FNDC3A: variants seen among roughly 807,000 people sequenced by gnomAD.
FNDC3A encodes the protein fibronectin type-III domain-containing protein 3A.
FNDC3A carries 32 observed loss-of-function variants against 148.9 expected under a neutral mutation model. The observed-to-expected ratio is 0.21, with a 90% CI of 0.16 to 0.29. The LOEUF is 0.29. Among genes scored for constraint, FNDC3A ranks in the 10% least tolerant of loss-of-function variants. FNDC3A has a pLI of 1.00. For missense variants in FNDC3A, 1,191 were observed against 1,452.8 expected, an observed-to-expected ratio of 0.82 and a Z score of 2.93; for synonymous variants, 472 against 473.6, an observed-to-expected ratio of 1.00 and a Z score of 0.04.
In FNDC3A at chr13:49,184,570, G is replaced by A. The variant is rs543963393; in HGVS notation, c.1618-1394G>A. Among the ~76,000 whole-genome samples, 91 of 152,258 alleles carry A rather than the reference G, an allele frequency of 6.0e-4. 1 individual carries two copies. In the South Asian group the frequency reaches 8.5e-3, roughly 14 times the overall value. ...AGGAAGAATAGACCCAAAGTCAGCC[G>A]AGTAAGTTTATTGAACCTGCCGGCT... On this transcript the variant is annotated intron_variant, in intron 14 of 25. Coordinates refer to ENST00000492622, the MANE Select transcript of FNDC3A (RefSeq NM_001079673.2).
At chr13:49,072,925 T>A (rs1877799655) in intron 2 of FNDC3A, among the ~76,000 whole-genome samples, 1 of 152,256 alleles carries the variant, frequency 6.6e-6, no homozygotes, top group Admixed American at 6.5e-5. Flanking sequence ...TAATTTGACT[T>A]CTTCTTTTCT....
At chr13:49,159,236 T>G (rs1168586668) in intron 8 of FNDC3A, among the ~76,000 whole-genome samples, 1 of 152,244 alleles carries the variant, frequency 6.6e-6, no homozygotes, top group Non-Finnish European at 1.5e-5. Context: ...ACGATATTGA[T>G]TCTTCCTATC....
intron 4 of FNDC3A, among the ~76,000 whole-genome samples, chr13:49,127,350 G>A (rs1442892232): frequency 6.6e-6 from 1 of 152,126 alleles, no homozygotes; most frequent in Non-Finnish European, 1.5e-5. Context: ...ATTCCCCTTT[G>A]CAGCAGAACA....
intron 17 of FNDC3A, among the ~76,000 whole-genome samples, chr13:49,190,547 G>C (rs1236761979): frequency 6.6e-6 from 1 of 152,098 alleles, no homozygotes; most frequent in Non-Finnish European, 1.5e-5. Flanking sequence ...CAGTGTTTAG[G>C]TTAAAAATAC....
chr13:49,115,198 T>TAAAAAAAAA (rs11450075), intron 4 of FNDC3A, among the ~76,000 whole-genome samples: 5 of 140,342 alleles, frequency 3.6e-5, no homozygotes, highest in Admixed American at 1.4e-4. Context: ...GGGGGGGAAA[T>TAAAAAAAAA]AAAAAAAAAA....
intron 6 of FNDC3A, 97 bp from the exon 7 acceptor site, chr13:49,138,650 C>T (rs1882516291): frequency 1.7e-6 from 1 of 595,480 alleles, no homozygotes. Flanking sequence ...ATAAAAGTCT[C>T]AAATACCAAC....
At chr13:49,097,762 A>C (rs947979102) in intron 3 of FNDC3A, among the ~76,000 whole-genome samples, 1 of 152,054 alleles carries the variant, frequency 6.6e-6, no homozygotes, top group African/African-American at 2.4e-5. Context: ...AACCTTATAC[A>C]TATGATTACT....
At chr13:49,052,383 G>A (rs778997789) in intron 2 of FNDC3A, among the ~76,000 whole-genome samples, 1 of 152,124 alleles carries the variant, frequency 6.6e-6, no homozygotes, top group Non-Finnish European at 1.5e-5. Context: ...TCCCTTTGAT[G>A]TGGTATTCTC....
intron 4 of FNDC3A, among the ~76,000 whole-genome samples, chr13:49,127,726 C>A (rs1881785746): frequency 6.6e-6 from 1 of 152,202 alleles, no homozygotes; most frequent in African/African-American, 2.4e-5. Context: ...TTCAAACTCA[C>A]AAGTGCAAAA....
chr13:49,076,252 T>TC (rs1878104002), intron 3 of FNDC3A, among the ~76,000 whole-genome samples: 1 of 146,532 alleles, frequency 6.8e-6, no homozygotes, highest in African/African-American at 2.5e-5. Flanking sequence ...CTGTAAGTAC[T>TC]TTTTTTTTTT....
intron 1 of FNDC3A, among the ~76,000 whole-genome samples, chr13:49,004,332 C>A (rs941777129): frequency 3.9e-5 from 6 of 152,004 alleles, no homozygotes; most frequent in African/African-American, 1.4e-4. Context: ...TTAAATAAAA[C>A]CAATTACTTT....
At chr13:49,104,336 C>G (rs558248208) in intron 3 of FNDC3A, among the ~76,000 whole-genome samples, 26 of 152,126 alleles carry the variant, frequency 1.7e-4, no homozygotes, top group African/African-American at 5.3e-4. Flanking sequence ...ACCATCCTGG[C>G]TAACACTGAA....
chr13:49,058,991 A>G (rs901727861), intron 2 of FNDC3A, among the ~76,000 whole-genome samples: 2 of 152,186 alleles, frequency 1.3e-5, no homozygotes, highest in African/African-American at 4.8e-5. Context: ...GCACCCCTTA[A>G]CAGGACCAGA....
At chr13:49,186,206 A>G (rs1316678574) in intron 15 of FNDC3A, 104 bp downstream of exon 15, 5 of 960,230 alleles carry the variant, frequency 5.2e-6, no homozygotes, top group Non-Finnish European at 7.7e-6. Flanking sequence ...TGTTATCTCA[A>G]GCCAGTCCAA....
In FNDC3A at chr13:49,209,749, A is replaced by G. The variant is rs1230048881; in HGVS notation, c.*2354A>G. 6.6e-6 allele frequency: 1 copy of G among 152,268 alleles called. No homozygotes were observed. The highest frequency in any genetic ancestry group is 6.5e-5 in the Admixed American group (1 of 15,284). The allele number at this position is 152,268 out of a possible 1,614,324, so 9.4% of individuals were successfully genotyped here. The stretch of plus-strand genomic sequence containing the variant: ...GATGTATATTTATTATATAAAGCCC[A>G]GTAAAGAATAAAATTAGAAGTTTTA... On this transcript the variant is annotated 3_prime_UTR_variant, in exon 26 of 26. Transcript: ENST00000492622.
chr13:49,058,320 A>T (rs1347673666), intron 2 of FNDC3A, among the ~76,000 whole-genome samples: 1 of 152,164 alleles, frequency 6.6e-6, no homozygotes, highest in Non-Finnish European at 1.5e-5. Flanking sequence ...GGATCTTCAC[A>T]GTGCTTTTTT....
intron 3 of FNDC3A, among the ~76,000 whole-genome samples, chr13:49,113,793 T>A (rs1331726349): frequency 6.6e-6 from 1 of 151,816 alleles, no homozygotes; most frequent in Non-Finnish European, 1.5e-5. Context: ...TGAAGGGGGG[T>A]AAGAGACTTT....
intron 8 of FNDC3A, among the ~76,000 whole-genome samples, chr13:49,150,905 A>G (rs2137981866): frequency 6.8e-6 from 1 of 146,838 alleles, no homozygotes; most frequent in South Asian, 2.1e-4. Flanking sequence ...AGATGGCACC[A>G]CTGCACTCCA....
intron 19 of FNDC3A, among the ~76,000 whole-genome samples, chr13:49,194,654 C>T (rs1009653716): frequency 4.6e-5 from 7 of 151,364 alleles, no homozygotes; most frequent in South Asian, 2.1e-4. Flanking sequence ...TTTTTTTAAT[C>T]GTGAATATGA....
Sources: gnomAD v4.1 joint callset for allele counts (sites outside exome capture counted in the v4.1 genomes callset) on GRCh38, gnomAD v4.1.1 for gene constraint, MANE v1.5 for transcripts, NCBI Gene and HGNC (gene_info 2026-07-23, HGNC 2026-07-21) for gene names.